The following VAT1L variants were observed in gnomAD, a reference collection of about 807,000 sequenced individuals.
The protein encoded by VAT1L is vesicle amine transport 1 like.
In VAT1L, 34 loss-of-function variants were observed where a neutral mutation model predicts 44.1. The observed-to-expected ratio is 0.77, with a 90% CI of 0.59 to 1.03. VAT1L has a LOEUF of 1.03. Ranked by LOEUF, VAT1L falls within the 50% of genes least tolerant of loss-of-function variation. The probability of loss-of-function intolerance (pLI) is 0.00; values close to 1 mark genes in which losing one functional copy is unlikely to be tolerated. For missense variants in VAT1L, 615 were observed against 538.8 expected (o/e 1.14, Z -1.40); for synonymous variants, 253 against 202.2 (o/e 1.25, Z -2.13).
intron 7 of VAT1L, among the ~76,000 whole-genome samples, chr16:77,939,406 C>T (rs867406761): frequency 2.0e-5 from 3 of 152,178 alleles, no homozygotes; most frequent in South Asian, 2.1e-4. Context: ...GGGGTGGGGA[C>T]GGTGGGAGTA....
At chr16:77,949,816 C>T (rs2018018410) in intron 7 of VAT1L, among the ~76,000 whole-genome samples, 1 of 152,218 alleles carries the variant, frequency 6.6e-6, no homozygotes, top group South Asian at 2.1e-4. Flanking sequence ...TTTATAACAA[C>T]ACAAAGGGAC....
At chr16:77,890,922 G>GAA (rs57157062) in intron 7 of VAT1L, among the ~76,000 whole-genome samples, 2 of 129,136 alleles carry the variant, frequency 1.5e-5, no homozygotes, top group Non-Finnish European at 1.7e-5. Context: ...AGACCCTGTC[G>GAA]AAAAAAAAAA....
chr16:77,961,834 G>A (rs2018163192), intron 7 of VAT1L, among the ~76,000 whole-genome samples: 3 of 152,200 alleles, frequency 2.0e-5, no homozygotes, highest in Non-Finnish European at 4.4e-5. Context: ...GAAACACTTA[G>A]CATCTCGGAA....
intron 7 of VAT1L, among the ~76,000 whole-genome samples, chr16:77,968,827 C>T (rs1176861901): frequency 1.3e-5 from 2 of 149,862 alleles, no homozygotes; most frequent in Non-Finnish European, 3.0e-5. Context: ...AGAATCAATT[C>T]TTTTTTTTTT....
chr16:77,869,032 T>A (rs948611101), intron 4 of VAT1L, among the ~76,000 whole-genome samples: 11 of 152,202 alleles, frequency 7.2e-5, no homozygotes, highest in African/African-American at 2.6e-4. Context: ...TTTGAAGCAG[T>A]TAAGCACTGT....
chr16:77,940,422 C>T (rs1819539818), intron 7 of VAT1L, among the ~76,000 whole-genome samples: 1 of 147,300 alleles, frequency 6.8e-6, no homozygotes, highest in African/African-American at 2.5e-5. Flanking sequence ...TGGCTCACTG[C>T]AACCTCTGCC....
At chr16:77,819,849 CTG>C (rs1361195783) in intron 2 of VAT1L, among the ~76,000 whole-genome samples, 2 of 152,222 alleles carry the variant, frequency 1.3e-5, no homozygotes, top group African/African-American at 4.8e-5. Flanking sequence ...GATTGCTAAA[CTG>C]TGAATTCCAT....
intron 7 of VAT1L, among the ~76,000 whole-genome samples, chr16:77,913,715 G>C (rs2017522327): frequency 6.6e-6 from 1 of 152,184 alleles, no homozygotes; most frequent in Admixed American, 6.5e-5. Flanking sequence ...GAGGGGGACA[G>C]TCTATGCATA....
rs779441346 is a variant in VAT1L at position 77,788,666 on chromosome 16, C to T, written c.-17C>T. The T allele has an allele frequency of 1.9e-6, 3 of 1,547,382 alleles. No individual in the cohort carries two copies. The South Asian group carries it at 3.6e-5, about 18-fold the overall frequency. ...CCGCAGCCACCGCAGCCCGTGCGCC[C>T]CGCGCCCTCGAGCGCCATGGCCAAG... On this transcript the variant is annotated 5_prime_UTR_variant, in exon 1 of 9. Transcript: ENST00000302536.
chr16:77,794,086 C>T (rs1377530318), intron 1 of VAT1L, among the ~76,000 whole-genome samples: 1 of 152,052 alleles, frequency 6.6e-6, no homozygotes, highest in Non-Finnish European at 1.5e-5. Context: ...TGGCTCTTTA[C>T]ATTTTGGAGA....
At chr16:77,945,212 G>C (rs1363093936) in intron 7 of VAT1L, among the ~76,000 whole-genome samples, 1 of 149,260 alleles carries the variant, frequency 6.7e-6, no homozygotes, top group Non-Finnish European at 1.5e-5. Context: ...AAAAAACATG[G>C]CTTGTGGTAT....
At chr16:77,806,361 C>A (rs996978214) in intron 1 of VAT1L, among the ~76,000 whole-genome samples, 1 of 152,120 alleles carries the variant, frequency 6.6e-6, no homozygotes, top group Non-Finnish European at 1.5e-5. Context: ...AGGTGCCCAC[C>A]ACCACGCCCG....
intron 7 of VAT1L, among the ~76,000 whole-genome samples, chr16:77,897,931 C>T (rs944286719): frequency 5.9e-5 from 9 of 152,176 alleles, no homozygotes; most frequent in African/African-American, 2.2e-4. Context: ...TAACAAAGTA[C>T]CACAAGCCAA....
At chr16:77,826,506 T>G (rs7187682) in intron 3 of VAT1L, among the ~76,000 whole-genome samples, 3,543 of 152,328 alleles carry the variant, frequency 0.023, 146 homozygotes, top group African/African-American at 0.081. Context: ...TGAAAGTGGT[T>G]GCACATGTCA....
chr16:77,868,817 C>T (rs1044237974), intron 4 of VAT1L, among the ~76,000 whole-genome samples: 3 of 152,200 alleles, frequency 2.0e-5, no homozygotes, highest in South Asian at 2.1e-4. Flanking sequence ...CTATCGGTGG[C>T]GCTGCCTTGT....
At chr16:77,898,029 G>A (rs1220585603) in intron 7 of VAT1L, among the ~76,000 whole-genome samples, 1 of 152,168 alleles carries the variant, frequency 6.6e-6, no homozygotes, top group African/African-American at 2.4e-5. Context: ...TGTTCCTTCT[G>A]AGGGTCATGA....
At chr16:77,807,432 G>A (rs917637712) in intron 1 of VAT1L, among the ~76,000 whole-genome samples, 3 of 152,122 alleles carry the variant, frequency 2.0e-5, no homozygotes, top group African/African-American at 7.2e-5. Flanking sequence ...CAGTCCCCAT[G>A]TCTTTGTTCA....
intron 1 of VAT1L, among the ~76,000 whole-genome samples, chr16:77,791,835 G>C (rs1222739053): frequency 6.6e-6 from 1 of 152,178 alleles, no homozygotes; most frequent in Non-Finnish European, 1.5e-5. Flanking sequence ...CTGGGGTCAG[G>C]GTTGGAATGA....
chr16:77,955,800 C>G (rs1246742147), intron 7 of VAT1L, among the ~76,000 whole-genome samples: 1 of 149,098 alleles, frequency 6.7e-6, no homozygotes, highest in Non-Finnish European at 1.5e-5. Flanking sequence ...TATAGAAGTA[C>G]AAAGGAAATA....
Sources: gnomAD v4.1 joint callset for allele counts (sites outside exome capture counted in the v4.1 genomes callset) on GRCh38, gnomAD v4.1.1 for gene constraint, MANE v1.5 for transcripts, NCBI Gene and HGNC (gene_info 2026-07-23, HGNC 2026-07-21) for gene names.